BACH2: variants seen among roughly 807,000 people sequenced by gnomAD.
The protein encoded by BACH2 is transcription regulator protein BACH2.
Under a neutral mutation model 61.8 loss-of-function variants are expected in BACH2, and 5 were observed. The observed-to-expected ratio is 0.08, with a 90% confidence interval of 0.04 to 0.17. The LOEUF (loss-of-function observed/expected upper bound fraction) is 0.17, where lower values mean the gene tolerates loss of function less well. BACH2 is among the 10% of genes least tolerant of loss of function. BACH2 has a pLI of 1.00. For missense variants in BACH2, 824 were observed against 1,091.1 expected, an observed-to-expected ratio of 0.76 and a Z score of 3.45; for synonymous variants, 446 against 440.1, an observed-to-expected ratio of 1.01 and a Z score of -0.17.
At chr6:90,193,531 T>A (rs1053931877) in intron 4 of BACH2, among the ~76,000 whole-genome samples, 1 of 152,140 alleles carries the variant, frequency 6.6e-6, no homozygotes, top group African/African-American at 2.4e-5. Flanking sequence ...TGACCACACA[T>A]TTCTGTTGTT....
rs1044784658 is a variant in BACH2 at position 89,951,318 on chromosome 6, C to G, written c.788G>C (p.Ser263Thr). 6.2e-7 allele frequency: 1 copy of G among 1,614,216 alleles called. No individual in the cohort carries two copies. The highest frequency in any genetic ancestry group is 8.5e-7 in the Non-Finnish European group (1 of 1,180,044). Residue 263 changes from serine (S) to threonine (T), a missense_variant, in exon 7 of 9, where the codon AGC becomes ACC. Physicochemically the swap from Ser to Thr is moderately conservative, Grantham distance 58. Around this residue, in one of 8 missense-constraint regions of BACH2, gnomAD observed 226 missense variants for 228.5 expected, o/e 0.99. Coordinates refer to ENST00000257749, the MANE Select transcript of BACH2 (RefSeq NM_021813.4). The surrounding 1 kb of genome is among the most constrained non-coding windows in gnomAD (Gnocchi z 6.4). ...FASTFREDNS[S>T]NSLKPGLARG... ...GGCAAGCCCCGGCTTGAGGCTGTTGCTAGAGTTATCTTCCCGGAATGTGCT... is the reference window on the plus strand; with the variant it reads ...GGCAAGCCCCGGCTTGAGGCTGTTGGTAGAGTTATCTTCCCGGAATGTGCT...
At chr6:90,105,059 T>C (rs1296976852) in intron 4 of BACH2, among the ~76,000 whole-genome samples, 1 of 152,232 alleles carries the variant, frequency 6.6e-6, no homozygotes, top group Non-Finnish European at 1.5e-5. Context: ...GAGCTTCAAT[T>C]GTGCCTTTGT....
chr6:89,956,938 C>T (rs545254959), intron 6 of BACH2, among the ~76,000 whole-genome samples: 17 of 152,246 alleles, frequency 1.1e-4, no homozygotes, highest in South Asian at 2.1e-4. Context: ...AGGGCTGGCA[C>T]GCTTCTCAAG....
At chr6:90,121,774 G>T (rs1224981323) in intron 4 of BACH2, among the ~76,000 whole-genome samples, 1 of 152,108 alleles carries the variant, frequency 6.6e-6, no homozygotes, top group Non-Finnish European at 1.5e-5. Flanking sequence ...TCGAACTCCT[G>T]ACCTCAGGTA....
intron 4 of BACH2, among the ~76,000 whole-genome samples, chr6:90,176,543 C>A (rs1408030603): frequency 6.6e-6 from 1 of 152,128 alleles, no homozygotes; most frequent in Admixed American, 6.5e-5. Flanking sequence ...CTAGATAGAT[C>A]TGCAGGTTGA....
chr6:90,249,804 A>G (rs1389956276), intron 3 of BACH2, among the ~76,000 whole-genome samples: 1 of 152,198 alleles, frequency 6.6e-6, no homozygotes, highest in Non-Finnish European at 1.5e-5. Flanking sequence ...AAGATTGAAC[A>G]ACAAAAAGCA....
chr6:90,186,689 G>A (rs1393735129), intron 4 of BACH2, among the ~76,000 whole-genome samples: 2 of 152,126 alleles, frequency 1.3e-5, no homozygotes, highest in Non-Finnish European at 2.9e-5. Context: ...CCCTGCCCCC[G>A]TGACAATGGT....
chr6:90,024,422 T>C (rs1171777847), intron 5 of BACH2, among the ~76,000 whole-genome samples: 3 of 152,174 alleles, frequency 2.0e-5, no homozygotes, highest in South Asian at 2.1e-4. Flanking sequence ...TTTTGGGAGA[T>C]GGTAAGAAAT....
At chr6:90,236,004 A>G (rs986449654) in intron 3 of BACH2, among the ~76,000 whole-genome samples, 11 of 152,240 alleles carry the variant, frequency 7.2e-5, no homozygotes, top group African/African-American at 2.7e-4. Context: ...TCCTGTGGCT[A>G]TTCACCAGGG....
In BACH2 at chr6:89,945,787, G is replaced by A. The variant is rs147853230; in HGVS notation, c.1836+4483C>T. Among the ~76,000 whole-genome samples the A allele has an allele frequency of 6.5e-3, 947 of 146,304 alleles. 13 individuals are homozygous for A. The highest frequency in any genetic ancestry group is 0.023 in the African/African-American group (902 of 39,832). On this transcript the variant is annotated intron_variant, in intron 7 of 8. Transcript: ENST00000257749. ...AAACATTACAGACATACATAGAAAT[G>A]AAACTTTCCCTACACTCCTCTCCAA...
chr6:90,158,321 C>T (rs538633503), intron 4 of BACH2, among the ~76,000 whole-genome samples: 1 of 152,282 alleles, frequency 6.6e-6, no homozygotes, highest in African/African-American at 2.4e-5. Flanking sequence ...CTCTAAAATG[C>T]CTTGGTGCAC....
At chr6:90,093,397 C>A (rs1249235165) in intron 4 of BACH2, among the ~76,000 whole-genome samples, 2 of 152,108 alleles carry the variant, frequency 1.3e-5, no homozygotes, top group East Asian at 3.9e-4. Flanking sequence ...TAACTTAGGC[C>A]TCTACTAATG....
chr6:90,039,127 T>C (rs1471759701), intron 5 of BACH2, among the ~76,000 whole-genome samples: 1 of 152,232 alleles, frequency 6.6e-6, no homozygotes, highest in African/African-American at 2.4e-5. Flanking sequence ...TCTTGTTTTA[T>C]GGTTTCATAA....
intron 4 of BACH2, among the ~76,000 whole-genome samples, chr6:90,101,987 C>T (rs529751411): frequency 9.2e-5 from 14 of 152,200 alleles, no homozygotes; most frequent in Non-Finnish European, 1.9e-4. Context: ...GTAGACTGAA[C>T]TTTCATCCTG....
chr6:90,109,674 G>A (rs1374146875), intron 4 of BACH2, among the ~76,000 whole-genome samples: 2 of 152,052 alleles, frequency 1.3e-5, no homozygotes, highest in Non-Finnish European at 2.9e-5. Context: ...CTCCAAACCT[G>A]CTTCTTTCCA....
At chr6:90,265,429 C>T (rs958907919) in intron 2 of BACH2, among the ~76,000 whole-genome samples, 1 of 152,216 alleles carries the variant, frequency 6.6e-6, no homozygotes, top group South Asian at 2.1e-4. Flanking sequence ...GGGATGCAAA[C>T]ACTTTGATAT....
At chr6:90,135,687 C>A (rs2501722) in intron 4 of BACH2, among the ~76,000 whole-genome samples, 7,079 of 152,226 alleles carry the variant, frequency 0.047, 473 homozygotes, top group African/African-American at 0.15. Context: ...GCACTCCAGC[C>A]TGGGCAACAG....
chr6:90,048,492 C>T (rs1015715433), intron 5 of BACH2, among the ~76,000 whole-genome samples: 8 of 152,240 alleles, frequency 5.3e-5, no homozygotes, highest in Middle Eastern at 3.4e-3. Flanking sequence ...GGTGTCAATG[C>T]AATACAAAAC....
chr6:90,291,786 G>T (rs896737563), intron 1 of BACH2, among the ~76,000 whole-genome samples: 2 of 152,156 alleles, frequency 1.3e-5, no homozygotes, highest in Non-Finnish European at 2.9e-5. Context: ...ATACAGAAGC[G>T]ATTTTCCGTC....
Sources: allele counts gnomAD v4.1 joint callset (sites outside exome capture counted in the v4.1 genomes callset), GRCh38; gene constraint gnomAD v4.1.1; regional missense constraint gnomAD v4.1.1; non-coding constraint Gnocchi (gnomAD v3.1); transcripts MANE v1.5; gene names NCBI Gene and HGNC (gene_info 2026-07-23, HGNC 2026-07-21).